RAPGEF4: variants seen among roughly 807,000 people sequenced by gnomAD.
RAPGEF4 encodes RAP guanine-nucleotide-exchange factor (GEF) 4.
A neutral mutation model predicts 147.9 loss-of-function variants in RAPGEF4; 66 were observed. The ratio of observed to expected loss-of-function variants is 0.45; its 90% CI spans 0.37 to 0.55. The LOEUF (loss-of-function observed/expected upper bound fraction) is 0.55, where lower values mean the gene tolerates loss of function less well. Among genes scored for constraint, RAPGEF4 ranks in the 20% least tolerant of loss-of-function variants. RAPGEF4 has a pLI of 0.00. For synonymous variants in RAPGEF4, 419 were observed against 442.7 expected (o/e 0.95, Z 0.67); for missense variants, 1,071 against 1,257.3 (o/e 0.85, Z 2.24).
At chr2:172,801,481 G>A (rs1339944638) in intron 3 of RAPGEF4, among the ~76,000 whole-genome samples, 1 of 152,184 alleles carries the variant, frequency 6.6e-6, no homozygotes, top group African/African-American at 2.4e-5. Flanking sequence ...TGTGAGCCAG[G>A]ATGGTGGAAG....
At chr2:172,991,646 G>A (rs1209448869) in intron 15 of RAPGEF4, among the ~76,000 whole-genome samples, 1 of 152,116 alleles carries the variant, frequency 6.6e-6, no homozygotes, top group African/African-American at 2.4e-5. Flanking sequence ...TTTTAAAATG[G>A]AGATTAATTT....
At position 173,017,468 on chromosome 2, in the gene RAPGEF4, G is replaced by C; in HGVS notation, c.1972G>C (p.Ala658Pro). The change falls in exon 21 of 31, where the codon GCC becomes CCC. Residue 658 changes from alanine to proline, a missense_variant. Coordinates refer to ENST00000397081, the MANE Select transcript of RAPGEF4 (RefSeq NM_007023.4). The stretch of plus-strand genomic sequence containing the variant: ...ACAGTTCAATACGGGCGATGAGAGA[G>C]CCCAGAAGCGCCAGCCTATCCGCGG... ...LQQFNTGDER[A>P]QKRQPIRGSD... 1 of 1,614,130 alleles carries C rather than the reference G, an allele frequency of 6.2e-7. No individual in the cohort carries two copies. The highest frequency in any genetic ancestry group is 8.5e-7 in the Non-Finnish European group (1 of 1,180,008).
intron 4 of RAPGEF4, among the ~76,000 whole-genome samples, chr2:172,845,898 G>A (rs1171809460): frequency 6.6e-6 from 1 of 152,108 alleles, no homozygotes; most frequent in Non-Finnish European, 1.5e-5. Context: ...TCTGTAAGTA[G>A]GCTTTTCAGG....
At chr2:173,015,355 A>C (rs982199823) in intron 18 of RAPGEF4, among the ~76,000 whole-genome samples, 1 of 152,208 alleles carries the variant, frequency 6.6e-6, no homozygotes, top group East Asian at 1.9e-4. Flanking sequence ...CCCCTCCAAA[A>C]TTTGGATGAA....
At chr2:173,035,056 A>T (rs1376421506) in intron 27 of RAPGEF4, among the ~76,000 whole-genome samples, 1 of 151,634 alleles carries the variant, frequency 6.6e-6, no homozygotes, top group Non-Finnish European at 1.5e-5. Flanking sequence ...ATAACTTTTT[A>T]TTATTATTAT....
In RAPGEF4 at chr2:172,735,951, C is replaced by T. The variant is rs1168677167; in HGVS notation, c.-33C>T. The T allele has an allele frequency of 1.4e-6, 2 of 1,437,238 alleles. No individual in the cohort carries two copies. The highest frequency in any genetic ancestry group is 2.6e-5 in the Admixed American group (1 of 39,206). 89.0% of individuals were successfully genotyped at this position (1,437,238 alleles called of 1,614,324 possible). ...AGGCAGAGCGAGCGCGGGAGGTCGC[C>T]GCAGCCAGGGACACCGCGCGCCGCC... On this transcript the variant is annotated 5_prime_UTR_variant, in exon 1 of 31. Coordinates refer to ENST00000397081, the MANE Select transcript of RAPGEF4 (RefSeq NM_007023.4).
chr2:172,922,517 C>T (rs979352984), intron 6 of RAPGEF4, among the ~76,000 whole-genome samples: 2 of 152,202 alleles, frequency 1.3e-5, no homozygotes, highest in Non-Finnish European at 2.9e-5. Flanking sequence ...CTGATTTTAA[C>T]CAGTCTGAAG....
chr2:172,863,149 G>T (rs1286912866), intron 4 of RAPGEF4, among the ~76,000 whole-genome samples: 1 of 152,180 alleles, frequency 6.6e-6, no homozygotes, highest in Non-Finnish European at 1.5e-5. Flanking sequence ...GTGAAAAAAT[G>T]ATGGGTTTAT....
intron 4 of RAPGEF4, among the ~76,000 whole-genome samples, chr2:172,906,306 A>ACACATCCC (rs1699624342): frequency 6.6e-6 from 1 of 152,014 alleles, no homozygotes; most frequent in Admixed American, 6.6e-5. Context: ...TTATGATGAG[A>ACACATCCC]CACATCCCCA....
rs186529062 is a variant in RAPGEF4 at position 172,851,553 on chromosome 2, A to C, written c.444+37128A>C. Among the ~76,000 whole-genome samples the C allele has an allele frequency of 1.6e-3, 246 of 152,332 alleles. 2 individuals carry two copies. The highest frequency in any genetic ancestry group is 5.8e-3 in the African/African-American group (240 of 41,576). Reference sequence around the variant, plus strand: ...AGACATGGAATCAACTTAAATGCCCATCAAAGATAGACTGGAAAAAGAAAA... The same window carrying C: ...AGACATGGAATCAACTTAAATGCCCCTCAAAGATAGACTGGAAAAAGAAAA... On this transcript the variant is annotated intron_variant, in intron 4 of 30. Coordinates refer to ENST00000397081, the MANE Select transcript of RAPGEF4 (RefSeq NM_007023.4).
intron 4 of RAPGEF4, among the ~76,000 whole-genome samples, chr2:172,861,719 A>G (rs541574846): frequency 9.8e-5 from 15 of 152,344 alleles, no homozygotes; most frequent in African/African-American, 3.4e-4. Flanking sequence ...AATACACATG[A>G]GCATTCATTT....
At chr2:172,822,017 A>T (rs1469082599) in intron 4 of RAPGEF4, 4 of 1,603,458 alleles carry the variant, frequency 2.5e-6, no homozygotes, top group Non-Finnish European at 3.4e-6. Flanking sequence ...AGGGTGGGAG[A>T]GTGGGGAAAT....
intron 1 of RAPGEF4, among the ~76,000 whole-genome samples, chr2:172,770,892 C>T (rs2149488063): frequency 6.6e-6 from 1 of 152,102 alleles, no homozygotes; most frequent in East Asian, 1.9e-4. Flanking sequence ...GATCAGTTTA[C>T]CCTAGTGTGC....
chr2:172,972,693 G>T (rs1690623682), intron 10 of RAPGEF4, among the ~76,000 whole-genome samples: 1 of 152,182 alleles, frequency 6.6e-6, no homozygotes, highest in African/African-American at 2.4e-5. Flanking sequence ...ACCAGCCATT[G>T]GATTGCTACC....
intron 23 of RAPGEF4, among the ~76,000 whole-genome samples, chr2:173,025,830 A>C (rs1277286019): frequency 6.6e-6 from 1 of 152,224 alleles, no homozygotes; most frequent in African/African-American, 2.4e-5. Context: ...CTATATATGC[A>C]TATCATTCAT....
chr2:173,012,168 C>T (rs917247975), intron 17 of RAPGEF4, among the ~76,000 whole-genome samples: 1 of 152,204 alleles, frequency 6.6e-6, no homozygotes, highest in Non-Finnish European at 1.5e-5. Context: ...TTCACAGGCA[C>T]TATCACTTAG....
intron 6 of RAPGEF4, among the ~76,000 whole-genome samples, chr2:172,955,337 T>C (rs1447805857): frequency 6.6e-6 from 1 of 152,220 alleles, no homozygotes; most frequent in Non-Finnish European, 1.5e-5. Context: ...TTTCCGTCTC[T>C]GTTTCTCCTT....
At chr2:172,780,070 C>T (rs554985127) in intron 1 of RAPGEF4, among the ~76,000 whole-genome samples, 1 of 152,186 alleles carries the variant, frequency 6.6e-6, no homozygotes, top group African/African-American at 2.4e-5. Context: ...CTAAACCCTG[C>T]TTTTTACTGA....
intron 30 of RAPGEF4, among the ~76,000 whole-genome samples, chr2:173,049,690 T>C (rs988336135): frequency 6.6e-5 from 10 of 152,252 alleles, no homozygotes; most frequent in Non-Finnish European, 8.8e-5. Context: ...AAAATGACAT[T>C]GATTTGGGGA....
Sources: gnomAD v4.1 joint callset for allele counts (sites outside exome capture counted in the v4.1 genomes callset) on GRCh38, gnomAD v4.1.1 for gene constraint, MANE v1.5 for transcripts, NCBI Gene and HGNC (gene_info 2026-07-23, HGNC 2026-07-21) for gene names.